Variants in METTL15 observed in about 807,000 individuals in gnomAD.
The protein encoded by METTL15 is 12S rRNA N(4)-cytidine methyltransferase METTL15.
A neutral mutation model predicts 38.3 loss-of-function variants in METTL15; 34 were observed. The ratio of observed to expected loss-of-function variants is 0.89; its 90% CI spans 0.68 to 1.18. METTL15 has a LOEUF of 1.18. Ranked by LOEUF, METTL15 falls within the 50% of genes most tolerant of loss-of-function variation. The probability of loss-of-function intolerance (pLI) is 0.00; values close to 1 mark genes in which losing one functional copy is unlikely to be tolerated. For missense variants in METTL15, 438 were observed against 498.4 expected, an observed-to-expected ratio of 0.88 and a Z score of 1.15; for synonymous variants, 162 against 170.9, an observed-to-expected ratio of 0.95 and a Z score of 0.41.
At chr11:28,393,064 A>C (rs906581761) in intron 5 of METTL15, among the ~76,000 whole-genome samples, 5 of 152,136 alleles carry the variant, frequency 3.3e-5, no homozygotes, top group Admixed American at 6.6e-5. Flanking sequence ...ATGCCTGTGC[A>C]CTTTTTGTGG....
intron 6 of METTL15, among the ~76,000 whole-genome samples, chr11:28,459,460 A>T (rs949254366): frequency 1.3e-5 from 2 of 152,206 alleles, no homozygotes; most frequent in African/African-American, 2.4e-5. Context: ...TGCCTTTTTC[A>T]TAGTGCCATC....
intron 6 of METTL15, among the ~76,000 whole-genome samples, chr11:28,310,625 T>G (rs966833647): frequency 2.6e-5 from 4 of 152,152 alleles, no homozygotes; most frequent in African/African-American, 9.7e-5. Flanking sequence ...ATGCAGTGAC[T>G]CCAGTTACGG....
At chr11:28,250,282 C>G (rs1000058725) in intron 4 of METTL15, among the ~76,000 whole-genome samples, 2 of 152,006 alleles carry the variant, frequency 1.3e-5, no homozygotes, top group Non-Finnish European at 2.9e-5. Flanking sequence ...GTTTTAAGTT[C>G]TTTAAGAAAT....
chr11:28,269,344 C>T (rs1855553759), intron 4 of METTL15, among the ~76,000 whole-genome samples: 1 of 151,770 alleles, frequency 6.6e-6, no homozygotes, highest in Non-Finnish European at 1.5e-5. Flanking sequence ...TATGCATGTG[C>T]ATGTATGTAA....
intron 6 of METTL15, among the ~76,000 whole-genome samples, chr11:28,517,855 A>G (rs1293519126): frequency 6.6e-6 from 1 of 152,192 alleles, no homozygotes; most frequent in Non-Finnish European, 1.5e-5. Context: ...ACGGGGAACA[A>G]TGGTCCTTCT....
intron 5 of METTL15, among the ~76,000 whole-genome samples, chr11:28,371,272 G>A (rs1045786523): frequency 2.0e-5 from 3 of 151,900 alleles, no homozygotes; most frequent in Non-Finnish European, 4.4e-5. Flanking sequence ...AGCATCATTT[G>A]TTAAAGAGAT....
chr11:28,400,468 T>G (rs1166419864), intron 5 of METTL15, among the ~76,000 whole-genome samples: 1 of 151,968 alleles, frequency 6.6e-6, no homozygotes, highest in Non-Finnish European at 1.5e-5. Context: ...TGGCTTCCCC[T>G]AATTAGTCAC....
intron 6 of METTL15, among the ~76,000 whole-genome samples, chr11:28,425,033 T>G (rs988916271): frequency 6.6e-6 from 1 of 152,174 alleles, no homozygotes; most frequent in African/African-American, 2.4e-5. Context: ...TGAAAACCAT[T>G]CATAGTTTTT....
chr11:28,121,812 A>G (rs924504128), intron 3 of METTL15, among the ~76,000 whole-genome samples: 2 of 151,962 alleles, frequency 1.3e-5, no homozygotes, highest in African/African-American at 4.8e-5. Flanking sequence ...GGATTTTATG[A>G]TAAGCTTTAT....
chr11:28,291,508 T>C (rs1856514061), intron 5 of METTL15, among the ~76,000 whole-genome samples: 1 of 152,162 alleles, frequency 6.6e-6, no homozygotes, highest in Admixed American at 6.6e-5. Flanking sequence ...CTTTGTTTTG[T>C]GGTAATTATT....
At chr11:28,352,547 C>T (rs1850051055) in intron 4 of METTL15, among the ~76,000 whole-genome samples, 1 of 152,200 alleles carries the variant, frequency 6.6e-6, no homozygotes, top group Non-Finnish European at 1.5e-5. Context: ...CATACTAAGT[C>T]AAATGTGTAA....
chr11:28,134,851 A>G (rs1031749369), intron 3 of METTL15, among the ~76,000 whole-genome samples: 1 of 152,202 alleles, frequency 6.6e-6, no homozygotes, highest in African/African-American at 2.4e-5. Flanking sequence ...TATAGTTACT[A>G]TACCTGCTAA....
chr11:28,382,556 G>C (rs1850399825), intron 5 of METTL15, among the ~76,000 whole-genome samples: 1 of 152,004 alleles, frequency 6.6e-6, no homozygotes, highest in South Asian at 2.1e-4. Context: ...TTCACCTCTT[G>C]GGCTCAGTGG....
At chr11:28,327,509 A>G (rs1406644378) in intron 6 of METTL15, 1 of 152,508 alleles carries the variant, frequency 6.6e-6, no homozygotes, top group Non-Finnish European at 1.5e-5. Flanking sequence ...CATGATTTAT[A>G]TAAACTTGAA....
chr11:28,463,448 T>C (rs1851232195), intron 6 of METTL15, among the ~76,000 whole-genome samples: 1 of 152,142 alleles, frequency 6.6e-6, no homozygotes. Flanking sequence ...ACTACTTAGC[T>C]TATAGAAGAT....
intron 4 of METTL15, among the ~76,000 whole-genome samples, chr11:28,216,192 A>G (rs578135693): frequency 1.1e-4 from 16 of 152,210 alleles, no homozygotes; most frequent in Admixed American, 9.2e-4. Context: ...TGTTTTTTGA[A>G]TTAAAAAGTA....
intron 4 of METTL15, among the ~76,000 whole-genome samples, chr11:28,286,963 A>G (rs1856289908): frequency 2.0e-5 from 3 of 150,850 alleles, no homozygotes; most frequent in Non-Finnish European, 1.5e-5. Context: ...TCTCCACACT[A>G]TATATATATG....
At chr11:28,245,900 T>C (rs1190223508) in intron 4 of METTL15, among the ~76,000 whole-genome samples, 1 of 152,064 alleles carries the variant, frequency 6.6e-6, no homozygotes, top group Non-Finnish European at 1.5e-5. Flanking sequence ...GGGAAATCCA[T>C]ACCCCTGATC....
chr11:28,530,320 G>C (rs1851837426), downstream of METTL15, among the ~76,000 whole-genome samples: 1 of 152,106 alleles, frequency 6.6e-6, no homozygotes, highest in Non-Finnish European at 1.5e-5. Context: ...GGCTTATAAA[G>C]CATGTTTTCC....
Sources: gnomAD v4.1 joint callset for allele counts (sites outside exome capture counted in the v4.1 genomes callset) on GRCh38, gnomAD v4.1.1 for gene constraint, MANE v1.5 for transcripts, NCBI Gene and HGNC (gene_info 2026-07-23, HGNC 2026-07-21) for gene names.